Variants in SYK observed in about 807,000 individuals in gnomAD.
The protein encoded by SYK is spleen associated tyrosine kinase, also known as tyrosine-protein kinase SYK.
A neutral mutation model predicts 77.8 loss-of-function variants in SYK; 16 were observed. The observed-to-expected ratio is 0.21, with a 90% confidence interval of 0.14 to 0.31. The LOEUF is 0.31. Ranked by LOEUF, SYK falls within the 10% of genes least tolerant of loss-of-function variation. The pLI is 1.00. For missense variants in SYK, 529 were observed against 814.4 expected, an observed-to-expected ratio of 0.65 and a Z score of 4.26; for synonymous variants, 312 against 308.7, an observed-to-expected ratio of 1.01 and a Z score of -0.11.
At position 90,843,990 on chromosome 9, in the gene SYK, A is replaced by AG. The variant is rs1182878074; in HGVS notation, c.98dup (p.Met34HisfsTer3). ...GAGGAGGCAGAAGATTACCTGGTCC[A>AG]GGGGGGCATGAGTGATGGGCTTTAT... On this transcript the variant is annotated frameshift_variant, in exon 2 of 14. Transcript: ENST00000375754. LOFTEE classifies it high-confidence loss of function. 4 of 1,609,472 alleles carry AG rather than the reference A, an allele frequency of 2.5e-6. No individual in the cohort carries two copies. Among genetic ancestry groups the AG allele is most frequent in the East Asian group, 4.5e-5 (2 of 44,802 alleles).
intron 6 of SYK, 109 bp from the exon 7 acceptor site, chr9:90,867,022 G>T (rs1282450016): frequency 2.6e-6 from 3 of 1,164,410 alleles, no homozygotes; most frequent in South Asian, 1.3e-5. Flanking sequence ...GGACAGGAGG[G>T]GGTTAGTGGT....
intron 13 of SYK, among the ~76,000 whole-genome samples, chr9:90,891,807 C>A (rs1465129013): frequency 6.6e-6 from 1 of 152,114 alleles, no homozygotes; most frequent in East Asian, 1.9e-4. Flanking sequence ...CCTGGTAACC[C>A]AGGCTATTGC....
chr9:90,802,835 A>T (rs1016914595), intron 1 of SYK, among the ~76,000 whole-genome samples: 20 of 150,600 alleles, frequency 1.3e-4, no homozygotes, highest in Non-Finnish European at 2.2e-4. Flanking sequence ...AAAGAGTTGA[A>T]GATGTTGTGC....
intron 2 of SYK, 92 bp from the exon 3 acceptor site, chr9:90,845,342 A>AT: frequency 7.2e-7 from 1 of 1,389,312 alleles, no homozygotes; most frequent in African/African-American, 1.4e-5. Flanking sequence ...CTGTTTTACC[A>AT]TGCCAGGACT....
chr9:90,869,739 G>T (rs530781586), intron 7 of SYK, among the ~76,000 whole-genome samples: 1 of 152,322 alleles, frequency 6.6e-6, no homozygotes, highest in South Asian at 2.1e-4. Context: ...ATTTGAAGAT[G>T]ATTATGAATC....
Position 90,874,388 on chromosome 9 carries a change from G to C in SYK, c.1003+97G>C. ...GTTCACGAATCCACACCACGTCCGT[G>C]ATTGCAATACAGCCACAGTTAGCCA... On this transcript the variant is annotated intron_variant, in intron 8 of 13. Coordinates refer to ENST00000375754, the MANE Select transcript of SYK (RefSeq NM_003177.7). 3 of 1,233,066 alleles carry C rather than the reference G, an allele frequency of 2.4e-6. 1 individual carries two copies. In the South Asian group the frequency reaches 3.7e-5, roughly 15 times the overall value. 76.4% of individuals were successfully genotyped at this position (1,233,066 alleles called of 1,614,324 possible). A position where few individuals can be genotyped will look rare whatever the true frequency, so the allele number is the denominator to read the frequency against.
At chr9:90,849,498 G>A (rs1351747911) in intron 3 of SYK, among the ~76,000 whole-genome samples, 2 of 152,200 alleles carry the variant, frequency 1.3e-5, no homozygotes, top group Admixed American at 1.3e-4. Context: ...TACCACTGTA[G>A]TTCTGTATGG....
chr9:90,833,948 A>T (rs1236987804), intron 1 of SYK, among the ~76,000 whole-genome samples: 1 of 152,234 alleles, frequency 6.6e-6, no homozygotes, highest in African/African-American at 2.4e-5. Context: ...TGCAGGCTCC[A>T]GGAGGGTGGC....
rs775977384 is a variant in SYK, at chr9:90,870,216, A to T, written c.915+3017A>T. Among the ~76,000 whole-genome samples, 7 of 152,356 alleles carry T rather than the reference A, an allele frequency of 4.6e-5. 1 individual carries two copies. The South Asian group carries it at 1.2e-3, about 27-fold the overall frequency. ...TTAAATGAATTAAACCCCTCCCAATATTAGTCCTGGAATTTCTTTCTCTGC... is the reference window on the plus strand; with the variant it reads ...TTAAATGAATTAAACCCCTCCCAATTTTAGTCCTGGAATTTCTTTCTCTGC... On this transcript the variant is annotated intron_variant, in intron 7 of 13. Transcript: ENST00000375754.
intron 3 of SYK, among the ~76,000 whole-genome samples, chr9:90,859,777 C>G (rs145360829): frequency 6.6e-6 from 1 of 152,344 alleles, no homozygotes; most frequent in East Asian, 1.9e-4. Flanking sequence ...CTAACTTCCA[C>G]CAGTCTGAAG....
In SYK at chr9:90,860,839, T is replaced by G. The variant is rs533045369; in HGVS notation, c.579-1367T>G. 3.4e-3 allele frequency among the ~76,000 whole-genome samples: 524 copies of G among 152,172 alleles called. 3 individuals are homozygous for G. Among genetic ancestry groups the G allele is most frequent in the African/African-American group, 0.012 (503 of 41,498 alleles). On this transcript the variant is annotated intron_variant, in intron 3 of 13. Coordinates refer to ENST00000375754, the MANE Select transcript of SYK (RefSeq NM_003177.7). Reference sequence around the variant, plus strand: ...GCCATCTCAACTCTCCCTGTGGTCGTGTATCTGACTTCTTGCAACCAGGAG... The same window carrying G: ...GCCATCTCAACTCTCCCTGTGGTCGGGTATCTGACTTCTTGCAACCAGGAG...
Position 90,858,118 on chromosome 9 carries a change from A to G in SYK, c.579-4088A>G, listed in dbSNP as rs896170661. 4.6e-5 allele frequency among the ~76,000 whole-genome samples: 7 copies of G among 152,252 alleles called. No homozygotes were observed. In the South Asian group the frequency reaches 6.2e-4, roughly 14 times the overall value. Reference sequence around the variant, plus strand: ...CTTGGTGCCCGGGCATCACCTCTGTATATTCTCTCTCCCCTAGGAGGGTGC... The same window carrying G: ...CTTGGTGCCCGGGCATCACCTCTGTGTATTCTCTCTCCCCTAGGAGGGTGC... On this transcript the variant is annotated intron_variant, in intron 3 of 13. Coordinates refer to ENST00000375754, the MANE Select transcript of SYK (RefSeq NM_003177.7).
At chr9:90,877,305 A>C (rs114500927) in intron 9 of SYK, among the ~76,000 whole-genome samples, 1,778 of 152,250 alleles carry the variant, frequency 0.012, 36 homozygotes, top group African/African-American at 0.04. Flanking sequence ...AACCTCCCAA[A>C]GTATGGGGAT....
chr9:90,864,171 T>G (rs1242881182), intron 4 of SYK, among the ~76,000 whole-genome samples: 2 of 152,218 alleles, frequency 1.3e-5, no homozygotes, highest in Non-Finnish European at 2.9e-5. Flanking sequence ...CATAATACCC[T>G]ATTTCAATAT....
chr9:90,834,814 A>C (rs969550075), intron 1 of SYK, among the ~76,000 whole-genome samples: 1 of 152,194 alleles, frequency 6.6e-6, no homozygotes, highest in Admixed American at 6.5e-5. Flanking sequence ...GGCCCAAGAC[A>C]ATCCTTCTTT....
Position 90,884,409 on chromosome 9 carries a change from A to G in SYK, c.1582-3340A>G, listed in dbSNP as rs377405181. On this transcript the variant is annotated intron_variant, in intron 11 of 13. Coordinates refer to ENST00000375754, the MANE Select transcript of SYK (RefSeq NM_003177.7). The stretch of plus-strand genomic sequence containing the variant: ...TATATGCATACATACACATATGTGT[A>G]TATATACATACATATACACATATGT... Among the ~76,000 whole-genome samples, 9 of 55,434 alleles carry G rather than the reference A, an allele frequency of 1.6e-4. 1 individual carries two copies. Among genetic ancestry groups the G allele is most frequent in the African/African-American group, 1.5e-4 (2 of 12,952 alleles). The allele number at this position is 55,434 out of a possible 152,430, so 36.4% of individuals were successfully genotyped here.
At chr9:90,837,403 G>A (rs562307124) in intron 1 of SYK, among the ~76,000 whole-genome samples, 1 of 152,118 alleles carries the variant, frequency 6.6e-6, no homozygotes, top group East Asian at 1.9e-4. Flanking sequence ...GTGCGGGGGT[G>A]GCCAAGGTAG....
In SYK at chr9:90,862,210, C is replaced by A. The variant is rs527998939; in HGVS notation, c.583C>A (p.Arg195=). The change falls in exon 4 of 14, where the codon CGA becomes AGA. Residue 195 remains arginine (R), a synonymous_variant. Coordinates refer to ENST00000375754, the MANE Select transcript of SYK (RefSeq NM_003177.7). ...CAGTTCCATCCTCTCTTCTAGGATCCGAGCCAGAGACAACAACGGCTCCTA... is the reference window on the plus strand; with the variant it reads ...CAGTTCCATCCTCTCTTCTAGGATCAGAGCCAGAGACAACAACGGCTCCTA... ...GSKTNGKFLI[R]ARDNNGSYAL... is the part of the protein sequence containing the mutation. 2 of 1,610,724 alleles carry A rather than the reference C, an allele frequency of 1.2e-6. No individual in the cohort carries two copies. The highest frequency in any genetic ancestry group is 2.2e-5 in the East Asian group (1 of 44,776).
chr9:90,880,154 T>G (rs1188220507), intron 11 of SYK, among the ~76,000 whole-genome samples: 1 of 152,134 alleles, frequency 6.6e-6, no homozygotes, highest in African/African-American at 2.4e-5. Context: ...CCTGCAGTGG[T>G]CAGAGACCCC....
Sources: gnomAD v4.1 joint callset for allele counts (sites outside exome capture counted in the v4.1 genomes callset) on GRCh38, gnomAD v4.1.1 for gene constraint, MANE v1.5 for transcripts, NCBI Gene and HGNC (gene_info 2026-07-23, HGNC 2026-07-21) for gene names.